ZNF385D: variants seen among roughly 807,000 people sequenced by gnomAD.
The protein encoded by ZNF385D is zinc finger protein 659.
Under a neutral mutation model 35.8 loss-of-function variants are expected in ZNF385D, and 15 were observed. The observed-to-expected ratio is 0.42, with a 90% CI of 0.28 to 0.64. The LOEUF is 0.64. ZNF385D is among the 30% of genes least tolerant of loss of function. ZNF385D has a pLI of 0.23. For synonymous variants in ZNF385D, 212 were observed against 186.8 expected, an observed-to-expected ratio of 1.13 and a Z score of -1.10; for missense variants, 474 against 494.6, an observed-to-expected ratio of 0.96 and a Z score of 0.39.
In ZNF385D at chr3:22,017,859, T is replaced by C. The variant is rs376833719; in HGVS notation, c.325+150958A>G. On this transcript the variant is annotated intron_variant, in intron 3 of 5. Transcript: ENST00000494108. ...ATCTATTAATATGTTTACATACGTA[T>C]TTCATCTGAATTACTCCTTGTATTC... Among the ~76,000 whole-genome samples, 61 of 152,056 alleles carry C rather than the reference T, an allele frequency of 4.0e-4. No individual in the cohort carries two copies. In the South Asian group the frequency reaches 0.012, roughly 30 times the overall value.
chr3:21,476,553 G>A (rs1332796873), intron 4 of ZNF385D, among the ~76,000 whole-genome samples: 1 of 149,758 alleles, frequency 6.7e-6, no homozygotes, highest in African/African-American at 2.4e-5. Flanking sequence ...TGCTCAGGGT[G>A]GGGTATGTGT....
At chr3:22,216,051 G>A (rs2125270997) in intron 2 of ZNF385D, among the ~76,000 whole-genome samples, 1 of 152,040 alleles carries the variant, frequency 6.6e-6, no homozygotes, top group South Asian at 2.1e-4. Flanking sequence ...TGTGTTCCCA[G>A]GCAAAATATA....
intron 3 of ZNF385D, among the ~76,000 whole-genome samples, chr3:22,151,348 A>G (rs1705220540): frequency 6.6e-6 from 1 of 152,160 alleles, no homozygotes; most frequent in Non-Finnish European, 1.5e-5. Context: ...GTGGAAACCA[A>G]GAGTATTATG....
intron 3 of ZNF385D, among the ~76,000 whole-genome samples, chr3:22,031,509 C>A (rs1405118201): frequency 2.6e-5 from 4 of 152,194 alleles, no homozygotes; most frequent in African/African-American, 9.7e-5. Flanking sequence ...CTGCACCTTG[C>A]CCCTTTTAGC....
At chr3:21,486,660 G>A (rs1415345160) in intron 4 of ZNF385D, among the ~76,000 whole-genome samples, 1 of 152,104 alleles carries the variant, frequency 6.6e-6, no homozygotes, top group East Asian at 1.9e-4. Flanking sequence ...ATATAAAAAT[G>A]AAAGAATCTG....
chr3:22,105,729 AT>A (rs1188247699), intron 3 of ZNF385D, among the ~76,000 whole-genome samples: 1 of 152,040 alleles, frequency 6.6e-6, no homozygotes, highest in Non-Finnish European at 1.5e-5. Context: ...GTCCTCAATG[AT>A]TGGGTGATGC....
intron 3 of ZNF385D, among the ~76,000 whole-genome samples, chr3:22,123,940 C>A (rs1425469135): frequency 1.6e-4 from 16 of 97,222 alleles, no homozygotes; most frequent in African/African-American, 6.1e-4. Context: ...CTCTCTCTCT[C>A]TCTCTCTCTC....
chr3:22,132,728 GTAA>G (rs1160082358), intron 3 of ZNF385D, among the ~76,000 whole-genome samples: 1 of 151,850 alleles, frequency 6.6e-6, no homozygotes, highest in Non-Finnish European at 1.5e-5. Context: ...ATAAGAGATA[GTAA>G]TATTATAAAT....
chr3:22,278,796 T>A (rs2125375177), intron 2 of ZNF385D, among the ~76,000 whole-genome samples: 1 of 152,208 alleles, frequency 6.6e-6, no homozygotes, highest in Non-Finnish European at 1.5e-5. Flanking sequence ...AAGAATTCCT[T>A]CTCTTGGGCA....
chr3:21,548,324 GCTTCTTT>G (rs1400611094), intron 3 of ZNF385D, among the ~76,000 whole-genome samples: 7 of 152,098 alleles, frequency 4.6e-5, no homozygotes, highest in African/African-American at 1.7e-4. Flanking sequence ...GGTTTTGAGT[GCTTCTTT>G]CATTTATTCA....
intron 2 of ZNF385D, among the ~76,000 whole-genome samples, chr3:21,580,763 A>G (rs919948426): frequency 2.0e-5 from 3 of 151,486 alleles, no homozygotes; most frequent in Non-Finnish European, 2.9e-5. Context: ...GCAAATGTAC[A>G]TATATATATC....
intron 3 of ZNF385D, among the ~76,000 whole-genome samples, chr3:21,794,631 T>C (rs754724154): frequency 2.6e-5 from 4 of 152,036 alleles, no homozygotes; most frequent in Admixed American, 6.6e-5. Context: ...CTAGCTAACT[T>C]TGGGGGTCTC....
intron 3 of ZNF385D, among the ~76,000 whole-genome samples, chr3:22,157,299 G>A (rs1656457208): frequency 6.6e-6 from 1 of 151,996 alleles, no homozygotes; most frequent in Admixed American, 6.6e-5. Context: ...AGAATTTTTA[G>A]AATAAAATCT....
At chr3:22,157,325 CA>C (rs1480443093) in intron 3 of ZNF385D, among the ~76,000 whole-genome samples, 3 of 152,078 alleles carry the variant, frequency 2.0e-5, no homozygotes, top group Non-Finnish European at 4.4e-5. Context: ...AATGTAAATG[CA>C]TGAAAAATGT....
At chr3:22,350,688 T>TG (rs1478823397) in intron 2 of ZNF385D, among the ~76,000 whole-genome samples, 2 of 152,110 alleles carry the variant, frequency 1.3e-5, no homozygotes, top group African/African-American at 4.8e-5. Context: ...ATTTCTTTTT[T>TG]TTGTTGTTTT....
At chr3:21,438,147 T>C (rs528201200) in intron 4 of ZNF385D, among the ~76,000 whole-genome samples, 1 of 152,292 alleles carries the variant, frequency 6.6e-6, no homozygotes, top group South Asian at 2.1e-4. Context: ...TGCCAATCAC[T>C]GTTACGTTAG....
At chr3:22,076,548 T>C (rs1576275212) in intron 3 of ZNF385D, among the ~76,000 whole-genome samples, 1 of 151,966 alleles carries the variant, frequency 6.6e-6, no homozygotes, top group Non-Finnish European at 1.5e-5. Flanking sequence ...TCTATTACTA[T>C]ATAATCACAA....
At chr3:21,728,866 A>AT (rs931747464) in intron 1 of ZNF385D, among the ~76,000 whole-genome samples, 4 of 152,198 alleles carry the variant, frequency 2.6e-5, no homozygotes, top group East Asian at 1.9e-4. Context: ...TATTGATTAT[A>AT]TTTTTTGTAT....
At chr3:21,841,605 G>C (rs1695679213) in intron 3 of ZNF385D, among the ~76,000 whole-genome samples, 1 of 151,902 alleles carries the variant, frequency 6.6e-6, no homozygotes, top group African/African-American at 2.4e-5. Flanking sequence ...TGAATAGCCT[G>C]TTTATGTCCA....
Sources: allele counts gnomAD v4.1 joint callset (sites outside exome capture counted in the v4.1 genomes callset), GRCh38; gene constraint gnomAD v4.1.1; transcripts MANE v1.5; gene names NCBI Gene and HGNC (gene_info 2026-07-23, HGNC 2026-07-21).